LRRC4C: variants seen among roughly 807,000 people sequenced by gnomAD.
The protein encoded by LRRC4C is leucine-rich repeat-containing protein 4C.
LRRC4C carries 5 observed loss-of-function variants against 33.6 expected under a neutral mutation model. That is an observed-to-expected ratio of 0.15 (90% CI 0.08 to 0.31). The LOEUF is 0.31. Among genes scored for constraint, LRRC4C ranks in the 10% least tolerant of loss-of-function variants. The probability of loss-of-function intolerance (pLI) is 1.00; values close to 1 mark genes in which losing one functional copy is unlikely to be tolerated. For synonymous variants in LRRC4C, 329 were observed against 302.0 expected (o/e 1.09, Z -0.93); for missense variants, 560 against 796.7 (o/e 0.70, Z 3.58).
At chr11:40,783,027 T>C (rs1950275866) in intron 2 of LRRC4C, among the ~76,000 whole-genome samples, 2 of 152,282 alleles carry the variant, frequency 1.3e-5, no homozygotes, top group East Asian at 1.9e-4. Context: ...AACAATTTTG[T>C]TACCATGAAG....
chr11:40,274,269 C>G (rs143599553), intron 4 of LRRC4C, among the ~76,000 whole-genome samples: 1 of 151,912 alleles, frequency 6.6e-6, no homozygotes, highest in East Asian at 1.9e-4. Context: ...AGATTCCCGT[C>G]AAGCCTCTGG....
intron 1 of LRRC4C, among the ~76,000 whole-genome samples, chr11:41,205,578 G>C (rs932561173): frequency 6.6e-6 from 1 of 152,164 alleles, no homozygotes; most frequent in Non-Finnish European, 1.5e-5. Context: ...ACGTGGCTCA[G>C]AGATAAATTT....
At chr11:41,427,993 A>G (rs1955101613) in intron 1 of LRRC4C, among the ~76,000 whole-genome samples, 1 of 151,828 alleles carries the variant, frequency 6.6e-6, no homozygotes, top group African/African-American at 2.4e-5. Context: ...AAATCCTATA[A>G]AACAACCCCA....
intron 1 of LRRC4C, among the ~76,000 whole-genome samples, chr11:40,941,204 G>A (rs1958127509): frequency 6.6e-6 from 1 of 151,952 alleles, no homozygotes; most frequent in Non-Finnish European, 1.5e-5. Context: ...AGAAAATAAT[G>A]TTAGTCATGA....
intron 1 of LRRC4C, among the ~76,000 whole-genome samples, chr11:40,975,593 A>G (rs1852026036): frequency 6.6e-6 from 1 of 152,226 alleles, no homozygotes; most frequent in South Asian, 2.1e-4. Context: ...TATTATTACC[A>G]TAAATATGCT....
intron 4 of LRRC4C, among the ~76,000 whole-genome samples, chr11:40,267,076 A>T (rs1365412328): frequency 6.6e-6 from 1 of 151,694 alleles, no homozygotes; most frequent in Non-Finnish European, 1.5e-5. Context: ...TCGATCATAC[A>T]ATTCTCCTCT....
chr11:40,526,075 TA>T (rs199699667), intron 3 of LRRC4C, among the ~76,000 whole-genome samples: 1,507 of 147,474 alleles, frequency 0.01, 17 homozygotes, highest in African/African-American at 0.031. Flanking sequence ...TGCCTCTAAT[TA>T]AAAAAAAAAG....
At chr11:40,129,197 T>C (rs1352861048) in intron 6 of LRRC4C, among the ~76,000 whole-genome samples, 1 of 152,176 alleles carries the variant, frequency 6.6e-6, no homozygotes, top group East Asian at 1.9e-4. Context: ...TACTCACTTA[T>C]TGATCCCTAA....
chr11:41,401,111 T>A (rs1954009287), intron 1 of LRRC4C, among the ~76,000 whole-genome samples: 1 of 151,912 alleles, frequency 6.6e-6, no homozygotes, highest in Admixed American at 6.6e-5. Flanking sequence ...GAAATGGAAT[T>A]CAGTGTATTT....
At position 41,168,803 on chromosome 11, in the gene LRRC4C, C is replaced by A. The variant is rs376039293; in HGVS notation, c.-495-235080G>T. Among the ~76,000 whole-genome samples, 13 of 152,270 alleles carry A rather than the reference C, an allele frequency of 8.5e-5. No individual in the cohort carries two copies. In the South Asian group the frequency reaches 1.7e-3, roughly 19 times the overall value. Reference sequence around the variant, plus strand: ...AAGTACTCTTCAGCGGTTGCCTACACCAGGCAATCTGTTTCTGCCAAAATG... The same window carrying A: ...AAGTACTCTTCAGCGGTTGCCTACAACAGGCAATCTGTTTCTGCCAAAATG... On this transcript the variant is annotated intron_variant, in intron 1 of 6. Transcript: ENST00000528697.
At chr11:40,746,541 G>A (rs1248523155) in intron 2 of LRRC4C, among the ~76,000 whole-genome samples, 1 of 152,166 alleles carries the variant, frequency 6.6e-6, no homozygotes, top group African/African-American at 2.4e-5. Context: ...CAGGGCAGCA[G>A]CACAACCATT....
rs141108984 is a variant in LRRC4C, at chr11:40,538,179, T to G, written c.-270+109963A>C. Among the ~76,000 whole-genome samples the G allele has an allele frequency of 1.9e-3, 282 of 152,214 alleles. 1 individual carries two copies. Among genetic ancestry groups the G allele is most frequent in the African/African-American group, 6.6e-3 (274 of 41,550 alleles). ...ATCTTTCTAACATTCTCCAGGTGAT[T>G]CTAACATGCAACCAAGTCTGAGAAC... On this transcript the variant is annotated intron_variant, in intron 3 of 6. Coordinates refer to ENST00000528697, the MANE Select transcript of LRRC4C (RefSeq NM_001258419.2).
chr11:41,124,130 T>C (rs569230503), intron 1 of LRRC4C, among the ~76,000 whole-genome samples: 102 of 152,308 alleles, frequency 6.7e-4, no homozygotes, highest in African/African-American at 2.4e-3. Context: ...AAACATCTTA[T>C]CAAAAATGGT....
intron 3 of LRRC4C, among the ~76,000 whole-genome samples, chr11:40,592,341 G>C (rs1959097284): frequency 2.0e-5 from 3 of 152,116 alleles, no homozygotes; most frequent in Admixed American, 2.0e-4. Context: ...CACTTGGAGG[G>C]GTGGCTGAAA....
chr11:40,165,865 A>C (rs1335770052), intron 5 of LRRC4C, among the ~76,000 whole-genome samples: 1 of 152,148 alleles, frequency 6.6e-6, no homozygotes, highest in Non-Finnish European at 1.5e-5. Context: ...GAATTGCTTG[A>C]AACTGGGAGG....
At chr11:41,352,043 T>C (rs968505903) in intron 1 of LRRC4C, among the ~76,000 whole-genome samples, 7 of 152,180 alleles carry the variant, frequency 4.6e-5, no homozygotes, top group Non-Finnish European at 1.0e-4. Flanking sequence ...ACCTTAAATG[T>C]AAGTGGCACT....
Position 40,444,390 on chromosome 11 carries a change from T to G in LRRC4C, c.-269-124669A>C, listed in dbSNP as rs912335330. On this transcript the variant is annotated intron_variant, in intron 3 of 6. Coordinates refer to ENST00000528697, the MANE Select transcript of LRRC4C (RefSeq NM_001258419.2). ...TTTTAAATTTATTTTTTTATTATTA[T>G]ACTTTAAGTTTTAGGGTACATGTGC... Among the ~76,000 whole-genome samples, 12 of 150,930 alleles carry G rather than the reference T, an allele frequency of 8.0e-5. 1 individual carries two copies. The highest frequency in any genetic ancestry group is 2.9e-4 in the African/African-American group (12 of 41,424).
intron 3 of LRRC4C, among the ~76,000 whole-genome samples, chr11:40,571,122 C>T (rs1402833670): frequency 1.3e-5 from 2 of 151,782 alleles, no homozygotes; most frequent in Non-Finnish European, 2.9e-5. Context: ...AATAAAATTG[C>T]ATTAATGGTA....
intron 5 of LRRC4C, among the ~76,000 whole-genome samples, chr11:40,217,126 T>A (rs1214203215): frequency 6.6e-6 from 1 of 152,136 alleles, no homozygotes; most frequent in African/African-American, 2.4e-5. Context: ...GAATTAACAA[T>A]TTTTTTATCT....
Sources: allele counts gnomAD v4.1 joint callset (sites outside exome capture counted in the v4.1 genomes callset), GRCh38; gene constraint gnomAD v4.1.1; transcripts MANE v1.5; gene names NCBI Gene and HGNC (gene_info 2026-07-23, HGNC 2026-07-21).